The following PTPRR variants were observed in gnomAD, a reference collection of about 807,000 sequenced individuals.
The protein encoded by PTPRR is receptor-type tyrosine-protein phosphatase R.
A neutral mutation model predicts 77.2 loss-of-function variants in PTPRR; 38 were observed. The ratio of observed to expected loss-of-function variants is 0.49; its 90% CI spans 0.38 to 0.65. PTPRR has a LOEUF of 0.65. PTPRR is among the 30% of genes least tolerant of loss of function. The pLI, the probability that PTPRR is intolerant of heterozygous loss-of-function variation, is 0.00. For synonymous variants in PTPRR, 299 were observed against 283.1 expected, an observed-to-expected ratio of 1.06 and a Z score of -0.57; for missense variants, 744 against 799.2, an observed-to-expected ratio of 0.93 and a Z score of 0.83.
At chr12:70,686,222 C>T (rs906301356) in intron 8 of PTPRR, among the ~76,000 whole-genome samples, 6 of 151,804 alleles carry the variant, frequency 4.0e-5, no homozygotes, top group African/African-American at 9.7e-5. Flanking sequence ...CAATCTCTTA[C>T]GTTCCCCACG....
At chr12:70,719,060 C>T (rs1419550595) in intron 6 of PTPRR, among the ~76,000 whole-genome samples, 1 of 152,018 alleles carries the variant, frequency 6.6e-6, no homozygotes, top group Non-Finnish European at 1.5e-5. Context: ...CTGACCGGTT[C>T]CTGGAGTTCA....
chr12:70,659,094 C>T (rs991786074), intron 12 of PTPRR, among the ~76,000 whole-genome samples: 4 of 151,180 alleles, frequency 2.6e-5, no homozygotes, highest in African/African-American at 9.7e-5. Flanking sequence ...GTAGAGAGGG[C>T]GTTTCATCAT....
At chr12:70,705,019 G>GAA (rs1888566485) in intron 6 of PTPRR, among the ~76,000 whole-genome samples, 1 of 152,010 alleles carries the variant, frequency 6.6e-6, no homozygotes, top group Non-Finnish European at 1.5e-5. Context: ...TAAGAGGGAG[G>GAA]AAATTCAAAA....
chr12:70,844,077 A>G (rs1004353959), intron 2 of PTPRR, among the ~76,000 whole-genome samples: 5 of 152,150 alleles, frequency 3.3e-5, no homozygotes, highest in African/African-American at 9.6e-5. Flanking sequence ...CGGCCTCCCA[A>G]AGTGCTGGGA....
At chr12:70,878,815 A>G (rs966904522) in intron 2 of PTPRR, among the ~76,000 whole-genome samples, 4 of 152,202 alleles carry the variant, frequency 2.6e-5, no homozygotes, top group Non-Finnish European at 5.9e-5. Flanking sequence ...TGTTTATTGC[A>G]GCACTATTCA....
At chr12:70,827,709 CTTTTTTTTTT>C (rs869285373) in intron 2 of PTPRR, among the ~76,000 whole-genome samples, 1 of 63,870 alleles carries the variant, frequency 1.6e-5, no homozygotes, top group African/African-American at 9.5e-5. Context: ...CCACACCTGG[CTTTTTTTTTT>C]TTTTTTTTTT....
intron 2 of PTPRR, among the ~76,000 whole-genome samples, chr12:70,827,073 A>G (rs2137046529): frequency 6.6e-6 from 1 of 152,264 alleles, no homozygotes; most frequent in South Asian, 2.1e-4. Context: ...TTACAGCCAA[A>G]CCTCAGCTAG....
At chr12:70,881,880 TTAAGA>T (rs1316534874) in intron 2 of PTPRR, among the ~76,000 whole-genome samples, 33 of 152,366 alleles carry the variant, frequency 2.2e-4, no homozygotes, top group African/African-American at 6.3e-4. Context: ...AATAGTTCTC[TTAAGA>T]TAAGCGTAAG....
At chr12:70,653,986 C>T (rs762514791) in intron 13 of PTPRR, among the ~76,000 whole-genome samples, 3 of 152,058 alleles carry the variant, frequency 2.0e-5, no homozygotes, top group Non-Finnish European at 4.4e-5. Context: ...GACTTAGAGG[C>T]TACTGTCTAA....
intron 2 of PTPRR, among the ~76,000 whole-genome samples, chr12:70,847,370 A>G (rs574174786): frequency 5.1e-4 from 77 of 152,358 alleles, no homozygotes; most frequent in African/African-American, 1.8e-3. Context: ...GGTCCAACAT[A>G]TCCTCTCTAA....
intron 2 of PTPRR, among the ~76,000 whole-genome samples, chr12:70,845,391 C>T (rs1892468105): frequency 1.3e-5 from 2 of 152,182 alleles, no homozygotes; most frequent in South Asian, 2.1e-4. Flanking sequence ...TGGACAGAGC[C>T]TTAATGTATG....
intron 1 of PTPRR, among the ~76,000 whole-genome samples, chr12:70,912,634 A>T (rs945587692): frequency 6.6e-6 from 1 of 152,122 alleles, no homozygotes; most frequent in African/African-American, 2.4e-5. Context: ...CAACATCTTA[A>T]TATATTAAAA....
At chr12:70,680,626 C>T (rs1887620033) in intron 10 of PTPRR, among the ~76,000 whole-genome samples, 1 of 152,126 alleles carries the variant, frequency 6.6e-6, no homozygotes. Flanking sequence ...AGGTGGGGAC[C>T]CGCTGTGAGA....
intron 2 of PTPRR, among the ~76,000 whole-genome samples, chr12:70,824,850 T>TG (rs752076883): frequency 2.6e-5 from 4 of 152,210 alleles, no homozygotes; most frequent in African/African-American, 4.8e-5. Flanking sequence ...ACAGTGGGCT[T>TG]GCTAGAATTA....
At chr12:70,752,588 G>A (rs538216291) in intron 5 of PTPRR, among the ~76,000 whole-genome samples, 1 of 152,086 alleles carries the variant, frequency 6.6e-6, no homozygotes, top group Admixed American at 6.6e-5. Context: ...CTGCCCTTTA[G>A]TACTCAAAGG....
At chr12:70,732,839 A>G (rs1345913888) in intron 6 of PTPRR, among the ~76,000 whole-genome samples, 1 of 152,194 alleles carries the variant, frequency 6.6e-6, no homozygotes, top group Non-Finnish European at 1.5e-5. Flanking sequence ...GATTACAGGC[A>G]TGAGCCACTA....
At chr12:70,770,938 G>T (rs981165326) in intron 2 of PTPRR, among the ~76,000 whole-genome samples, 1 of 147,936 alleles carries the variant, frequency 6.8e-6, no homozygotes. Context: ...CTCACTCATA[G>T]GTGGGAATTG....
At chr12:70,826,927 C>A (rs957243764) in intron 2 of PTPRR, among the ~76,000 whole-genome samples, 1 of 152,216 alleles carries the variant, frequency 6.6e-6, no homozygotes, top group African/African-American at 2.4e-5. Context: ...ACATGCCAAA[C>A]CTGCACCTGC....
At chr12:70,783,876 C>A (rs962991070) in intron 2 of PTPRR, among the ~76,000 whole-genome samples, 39 of 6,810 alleles carry the variant, frequency 5.7e-3, no homozygotes, top group African/African-American at 0.031. Flanking sequence ...GGGGGGGGGG[C>A]GGGGGGCGGG....
Sources: allele counts gnomAD v4.1 joint callset (sites outside exome capture counted in the v4.1 genomes callset), GRCh38; gene constraint gnomAD v4.1.1; transcripts MANE v1.5; gene names NCBI Gene and HGNC (gene_info 2026-07-23, HGNC 2026-07-21).